RGS8: variants seen among roughly 807,000 people sequenced by gnomAD.
RGS8 encodes regulator of G-protein signaling 8.
Under a neutral mutation model 21.7 loss-of-function variants are expected in RGS8, and 8 were observed. The observed-to-expected ratio is 0.37, with a 90% confidence interval of 0.22 to 0.66. The LOEUF (loss-of-function observed/expected upper bound fraction) is 0.66, where lower values mean the gene tolerates loss of function less well. Among genes scored for constraint, RGS8 ranks in the 30% least tolerant of loss-of-function variants. The pLI is 0.59. For synonymous variants in RGS8, 80 were observed against 83.6 expected, an observed-to-expected ratio of 0.96 and a Z score of 0.24; for missense variants, 157 against 217.9, an observed-to-expected ratio of 0.72 and a Z score of 1.76.
chr1:182,685,766 G>A (rs1664686890), upstream of RGS8, among the ~76,000 whole-genome samples: 1 of 152,124 alleles, frequency 6.6e-6, no homozygotes, highest in African/African-American at 2.4e-5. Flanking sequence ...TCAGGGGACA[G>A]GTCACCATTT....
chr1:182,665,649 G>C (rs553564943), intron 5 of RGS8, among the ~76,000 whole-genome samples: 1 of 152,294 alleles, frequency 6.6e-6, no homozygotes, highest in South Asian at 2.1e-4. Context: ...CTGGAACCTA[G>C]CTTCTCTCAT....
chr1:182,665,341 T>TA (rs1663803344), intron 5 of RGS8, among the ~76,000 whole-genome samples: 1 of 152,014 alleles, frequency 6.6e-6, no homozygotes, highest in Admixed American at 6.5e-5. Context: ...CACACCACAA[T>TA]ATGCACAACT....
chr1:182,713,619 T>C, the RGS8 span, among the ~76,000 whole-genome samples: 1 of 152,202 alleles, frequency 6.6e-6, no homozygotes, highest in Non-Finnish European at 1.5e-5. Context: ...GGGCCTTAAC[T>C]GACCCCTGGA....
intron 2 of RGS8, among the ~76,000 whole-genome samples, chr1:182,670,714 C>A (rs1191819012): frequency 6.6e-6 from 1 of 152,040 alleles, no homozygotes; most frequent in Non-Finnish European, 1.5e-5. Context: ...TTAAAAATAG[C>A]TTCTTTAATA....
At chr1:182,679,190 C>A (rs1021340708) in intron 1 of RGS8, among the ~76,000 whole-genome samples, 3 of 152,124 alleles carry the variant, frequency 2.0e-5, no homozygotes, top group Non-Finnish European at 4.4e-5. Flanking sequence ...TTGGGTGTTT[C>A]TCCTTTTATC....
the RGS8 span, among the ~76,000 whole-genome samples, chr1:182,698,043 G>A: frequency 6.6e-6 from 1 of 152,224 alleles, no homozygotes; most frequent in Non-Finnish European, 1.5e-5. Flanking sequence ...ACAGGCGATT[G>A]CTGTCCTCCC....
chr1:182,701,994 A>G, the RGS8 span, among the ~76,000 whole-genome samples: 53 of 152,332 alleles, frequency 3.5e-4, no homozygotes, highest in African/African-American at 1.2e-3. Flanking sequence ...GTGGGAATGT[A>G]AATTAGTTCA....
At chr1:182,696,736 AG>A in the RGS8 span, among the ~76,000 whole-genome samples, 1 of 152,216 alleles carries the variant, frequency 6.6e-6, no homozygotes, top group South Asian at 2.1e-4. Context: ...ACCACTCAAA[AG>A]CTTTGTGGCT....
intron 6 of RGS8, among the ~76,000 whole-genome samples, chr1:182,647,730 A>G (rs1354755924): frequency 6.6e-6 from 1 of 152,206 alleles, no homozygotes; most frequent in Admixed American, 6.5e-5. Flanking sequence ...AGACCCAGAG[A>G]GGTTTAGTAA....
chr1:182,669,679 G>T (rs1196257779), exon 3 of RGS8: 7 of 1,614,186 alleles, frequency 4.3e-6, no homozygotes, highest in Non-Finnish European at 5.1e-6. Flanking sequence ...TAACCCTTGG[G>T]CTGGTATGCA....
upstream of RGS8, chr1:182,672,119 G>T: frequency 1.8e-5 from 4 of 226,016 alleles, no homozygotes; most frequent in South Asian, 3.3e-4. Context: ...CTGTGCGGGG[G>T]GCAGCAAAGA....
the RGS8 span, among the ~76,000 whole-genome samples, chr1:182,705,971 A>G: frequency 6.6e-6 from 1 of 151,980 alleles, no homozygotes; most frequent in East Asian, 1.9e-4. Context: ...TTGGAGATGC[A>G]ACTTTTTTTT....
chr1:182,715,201 G>A, the RGS8 span, among the ~76,000 whole-genome samples: 1 of 152,290 alleles, frequency 6.6e-6, no homozygotes, highest in African/African-American at 2.4e-5. Flanking sequence ...TTATTCAGCA[G>A]CTCAGCAGCA....
At chr1:182,719,232 A>G in the RGS8 span, among the ~76,000 whole-genome samples, 1 of 152,216 alleles carries the variant, frequency 6.6e-6, no homozygotes, top group Non-Finnish European at 1.5e-5. Flanking sequence ...GCTCACGCTC[A>G]TTCTTCCTTT....
chr1:182,719,118 G>C, the RGS8 span, among the ~76,000 whole-genome samples: 2 of 152,162 alleles, frequency 1.3e-5, no homozygotes, highest in Non-Finnish European at 2.9e-5. Context: ...ATCTGTCCCA[G>C]GTATCCCATT....
the RGS8 span, among the ~76,000 whole-genome samples, chr1:182,707,772 T>G: frequency 8.5e-5 from 13 of 152,298 alleles, no homozygotes; most frequent in East Asian, 2.5e-3. Context: ...AGTGGCATGA[T>G]CTTGGCTCAC....
At chr1:182,654,925 A>G (rs1178725152) in intron 5 of RGS8, among the ~76,000 whole-genome samples, 2 of 152,142 alleles carry the variant, frequency 1.3e-5, no homozygotes, top group East Asian at 3.9e-4. Context: ...GAGGAGAAAG[A>G]CAAGCAGGAA....
the RGS8 span, among the ~76,000 whole-genome samples, chr1:182,700,160 C>T: frequency 6.6e-6 from 1 of 151,886 alleles, no homozygotes; most frequent in Non-Finnish European, 1.5e-5. Context: ...TCGGCTCCGG[C>T]GAGGGGGAGG....
chr1:182,669,636 A>C (rs1365846847), exon 3 of RGS8: 2 of 1,614,260 alleles, frequency 1.2e-6, no homozygotes, highest in East Asian at 4.5e-5. Context: ...GCGTGGCATC[A>C]GTAAGGCCGC....
Sources: gnomAD v4.1 joint callset for allele counts (sites outside exome capture counted in the v4.1 genomes callset) on GRCh38, gnomAD v4.1.1 for gene constraint, MANE v1.5 for transcripts, NCBI Gene and HGNC (gene_info 2026-07-23, HGNC 2026-07-21) for gene names.